The following RFPL1 variants were observed in gnomAD, a reference collection of about 807,000 sequenced individuals.
RFPL1 encodes the protein ret finger protein like 1, also known as ret finger protein-like 1.
In RFPL1, 6 loss-of-function variants were observed where a neutral mutation model predicts 9.6. The ratio of observed to expected loss-of-function variants is 0.62; its 90% CI spans 0.34 to 1.23. The LOEUF (loss-of-function observed/expected upper bound fraction) is 1.23. Ranked by LOEUF, RFPL1 falls within the 50% of genes most tolerant of loss-of-function variation. The pLI, the probability that RFPL1 is intolerant of heterozygous loss-of-function variation, is 0.03. For missense variants in RFPL1, 352 were observed against 398.4 expected (o/e 0.88, Z 0.99); for synonymous variants, 145 against 149.4 (o/e 0.97, Z 0.22).
At chr22:29,439,240 C>T in intron 1 of RFPL1, 76 bp downstream of exon 1, 2 of 1,529,162 alleles carry the variant, frequency 1.3e-6, no homozygotes, top group Non-Finnish European at 8.8e-7. Context: ...GCCCCTCATT[C>T]CATATGGGGA....
chr22:29,391,664 T>C, the RFPL1 span, among the ~76,000 whole-genome samples: 7 of 152,234 alleles, frequency 4.6e-5, no homozygotes, highest in South Asian at 1.5e-3. Context: ...CTGGGGAAGA[T>C]GGCATTTGCG....
At chr22:29,420,789 C>A in the RFPL1 span, among the ~76,000 whole-genome samples, 1 of 151,406 alleles carries the variant, frequency 6.6e-6, no homozygotes, top group Non-Finnish European at 1.5e-5. Flanking sequence ...TACAGGCGGG[C>A]ACCATCATAC....
the RFPL1 span, among the ~76,000 whole-genome samples, chr22:29,402,928 C>T: frequency 7.6e-6 from 1 of 130,850 alleles, no homozygotes; most frequent in Non-Finnish European, 1.6e-5. Context: ...TTGGTTGGGT[C>T]TGTGGGGTCG....
the RFPL1 span, among the ~76,000 whole-genome samples, chr22:29,390,774 T>C: frequency 6.6e-6 from 1 of 151,340 alleles, no homozygotes; most frequent in Non-Finnish European, 1.5e-5. Context: ...TTTTTTTGTA[T>C]TTTTAGTAGA....
chr22:29,425,000 C>G, the RFPL1 span, among the ~76,000 whole-genome samples: 2 of 151,712 alleles, frequency 1.3e-5, no homozygotes, highest in South Asian at 2.1e-4. Context: ...GTCAGGAGAT[C>G]GAGACCATCC....
At chr22:29,418,002 G>A in the RFPL1 span, among the ~76,000 whole-genome samples, 1 of 148,348 alleles carries the variant, frequency 6.7e-6, no homozygotes, top group East Asian at 2.0e-4. Flanking sequence ...TGCAGGCTCA[G>A]CTCACTGCAG....
the RFPL1 span, among the ~76,000 whole-genome samples, chr22:29,424,833 A>ACCG: frequency 1.3e-4 from 5 of 39,218 alleles, no homozygotes; most frequent in East Asian, 9.4e-4. Context: ...TGTCCCTCCC[A>ACCG]CCCCCCCCCC....
the RFPL1 span, among the ~76,000 whole-genome samples, chr22:29,388,125 G>A: frequency 3.3e-5 from 5 of 152,232 alleles, no homozygotes; most frequent in Non-Finnish European, 5.9e-5. Flanking sequence ...ATCAGAGCCC[G>A]AAGAGTTTTC....
At chr22:29,432,313 C>A in the RFPL1 span, among the ~76,000 whole-genome samples, 1 of 152,138 alleles carries the variant, frequency 6.6e-6, no homozygotes, top group Non-Finnish European at 1.5e-5. Context: ...CTAAAGCCCC[C>A]TGCATTTGTG....
chr22:29,420,627 T>TTG, the RFPL1 span, among the ~76,000 whole-genome samples: 1 of 9,176 alleles, frequency 1.1e-4, no homozygotes, highest in Non-Finnish European at 3.0e-4. Context: ...CTGCAGATGG[T>TTG]TTTTTGCTTT....
the RFPL1 span, among the ~76,000 whole-genome samples, chr22:29,402,735 A>T: frequency 2.0e-5 from 3 of 147,240 alleles, no homozygotes; most frequent in East Asian, 6.0e-4. Context: ...TGCTAATGGA[A>T]CTGACTTTAG....
the RFPL1 span, among the ~76,000 whole-genome samples, chr22:29,420,627 TTTTTTG>T: frequency 1.1e-4 from 1 of 9,176 alleles, no homozygotes; most frequent in Non-Finnish European, 3.0e-4. Context: ...CTGCAGATGG[TTTTTTG>T]CTTTTTTTTT....
chr22:29,389,916 G>T, the RFPL1 span, among the ~76,000 whole-genome samples: 1 of 151,568 alleles, frequency 6.6e-6, no homozygotes, highest in South Asian at 2.1e-4. Context: ...CTCCTGCCTG[G>T]GCCTCCCAAG....
chr22:29,405,971 C>T, the RFPL1 span, among the ~76,000 whole-genome samples: 17 of 150,144 alleles, frequency 1.1e-4, no homozygotes, highest in African/African-American at 3.4e-4. Context: ...TAGCCGGGCG[C>T]GGTGGCAGGC....
the RFPL1 span, among the ~76,000 whole-genome samples, chr22:29,415,631 A>G: frequency 1.3e-5 from 2 of 152,260 alleles, no homozygotes; most frequent in Admixed American, 6.5e-5. Context: ...AAAACTCCTC[A>G]GACACCGGGT....
chr22:29,438,606 G>A, exon 1 of RFPL1: 2 of 1,437,276 alleles, frequency 1.4e-6, no homozygotes. Flanking sequence ...CTCAGGCTCA[G>A]TTGCTGGGTC....
chr22:29,426,143 C>G, the RFPL1 span, among the ~76,000 whole-genome samples: 1 of 149,918 alleles, frequency 6.7e-6, no homozygotes, highest in African/African-American at 2.5e-5. Context: ...GCTAACATGG[C>G]CAAACCCCTT....
At chr22:29,437,953 A>ATTTTT (rs3044138), upstream of RFPL1, 31 of 264,496 alleles carry the variant, frequency 1.2e-4, no homozygotes, top group Middle Eastern at 1.2e-3. Flanking sequence ...GAAGGATGTG[A>ATTTTT]TTTTTTTTTT....
the RFPL1 span, among the ~76,000 whole-genome samples, chr22:29,389,685 CA>C: frequency 1.8e-3 from 139 of 75,556 alleles, no homozygotes; most frequent in East Asian, 2.4e-3. Flanking sequence ...GACTCCGTCT[CA>C]AAAAAAAAAA....
Sources: allele counts gnomAD v4.1 joint callset (sites outside exome capture counted in the v4.1 genomes callset), GRCh38; gene constraint gnomAD v4.1.1; transcripts MANE v1.5; gene names NCBI Gene and HGNC (gene_info 2026-07-23, HGNC 2026-07-21).